The following AJAP1 variants were observed in gnomAD, a reference collection of about 807,000 sequenced individuals.
The protein encoded by AJAP1 is adherens junctions associated protein 1.
Under a neutral mutation model 35.0 loss-of-function variants are expected in AJAP1, and 5 were observed. The ratio of observed to expected loss-of-function variants is 0.14; its 90% CI spans 0.07 to 0.30. AJAP1 has a LOEUF of 0.30. Ranked by LOEUF, AJAP1 falls within the 10% of genes least tolerant of loss-of-function variation. The pLI is 1.00. For missense variants in AJAP1, 586 were observed against 571.0 expected (o/e 1.03, Z -0.27); for synonymous variants, 284 against 249.3 (o/e 1.14, Z -1.31).
At chr1:4,729,468 C>T (rs988312794) in intron 2 of AJAP1, among the ~76,000 whole-genome samples, 1 of 148,508 alleles carries the variant, frequency 6.7e-6, no homozygotes, top group Non-Finnish European at 1.5e-5. Flanking sequence ...GACCTCGAGA[C>T]TCACGGGGTG....
intron 2 of AJAP1, among the ~76,000 whole-genome samples, chr1:4,743,983 GGT>G (rs1395541131): frequency 1.3e-5 from 2 of 152,126 alleles, no homozygotes; most frequent in African/African-American, 4.8e-5. Context: ...GAAGTGATGT[GGT>G]GTTTTTTATC....
At chr1:4,699,705 C>A (rs1295034536) in intron 1 of AJAP1, among the ~76,000 whole-genome samples, 2 of 152,182 alleles carry the variant, frequency 1.3e-5, no homozygotes, top group African/African-American at 4.8e-5. Context: ...CATCTCCCTG[C>A]AGCCGAAAAC....
In AJAP1 at chr1:4,792,210, T is replaced by C. The variant is rs904559197; in HGVS notation, c.*9725T>C. On this transcript the variant is annotated 3_prime_UTR_variant, in exon 6 of 6. Coordinates refer to ENST00000378191, the MANE Select transcript of AJAP1 (RefSeq NM_018836.4). The stretch of plus-strand genomic sequence containing the variant: ...TATATCTATACCACAGCTGTCTCTA[T>C]AGACGTATTTATATATCATCTTCTT... 1 of 152,144 alleles carries C rather than the reference T, an allele frequency of 6.6e-6. No individual in the cohort carries two copies. Among genetic ancestry groups the C allele is most frequent in the Non-Finnish European group, 1.5e-5 (1 of 68,024 alleles). The allele number at this position is 152,144 out of a possible 1,614,324, so 9.4% of individuals were successfully genotyped here.
intron 2 of AJAP1, among the ~76,000 whole-genome samples, chr1:4,744,537 G>A (rs1641143575): frequency 6.6e-6 from 1 of 152,092 alleles, no homozygotes; most frequent in Non-Finnish European, 1.5e-5. Context: ...ACACAGGGAT[G>A]CACCCATGCA....
intron 1 of AJAP1, among the ~76,000 whole-genome samples, chr1:4,697,338 T>G (rs1373402981): frequency 6.6e-6 from 1 of 152,190 alleles, no homozygotes; most frequent in Non-Finnish European, 1.5e-5. Flanking sequence ...GGAGGAGAAA[T>G]CAAAGGAAGC....
chr1:4,727,499 C>T (rs1283901390), intron 2 of AJAP1, among the ~76,000 whole-genome samples: 2 of 152,230 alleles, frequency 1.3e-5, no homozygotes, highest in Non-Finnish European at 2.9e-5. Flanking sequence ...CACTTGGTCA[C>T]TGATGTCCTC....
At chr1:4,674,532 C>T (rs763095113) in intron 1 of AJAP1, among the ~76,000 whole-genome samples, 28 of 152,226 alleles carry the variant, frequency 1.8e-4, no homozygotes, top group Non-Finnish European at 3.1e-4. Flanking sequence ...GCTTTAGGTT[C>T]AGAGGTCAGT....
At position 4,784,107 on chromosome 1, in the gene AJAP1, C is replaced by T. The variant is rs539854134; in HGVS notation, c.*1622C>T. The T allele has an allele frequency of 6.6e-6, 1 of 152,288 alleles. No individual in the cohort carries two copies. Among genetic ancestry groups the T allele is most frequent in the African/African-American group, 2.4e-5 (1 of 41,554 alleles). 9.4% of individuals were successfully genotyped at this position (152,288 alleles called of 1,614,324 possible). A position where few individuals can be genotyped will look rare whatever the true frequency, so the allele number is the denominator to read the frequency against. On this transcript the variant is annotated 3_prime_UTR_variant, in exon 6 of 6. Coordinates refer to ENST00000378191, the MANE Select transcript of AJAP1 (RefSeq NM_018836.4). ...CCTACTATAAACTACCCAGTGGAAA[C>T]AGGGGCCCCAGACCTGAGCCTCAGT... is the stretch of plus-strand genomic sequence containing the variant.
intron 3 of AJAP1, 145 bp from the exon 4 acceptor site, chr1:4,772,135 C>T: frequency 2.0e-6 from 2 of 1,025,252 alleles, no homozygotes; most frequent in South Asian, 1.7e-5. Flanking sequence ...GTTGATCTTT[C>T]TGAAGAGGCT....
Position 4,785,876 on chromosome 1 carries a change from C to A in AJAP1, c.*3391C>A, listed in dbSNP as rs1404095720. On this transcript the variant is annotated 3_prime_UTR_variant, in exon 6 of 6. Coordinates refer to ENST00000378191, the MANE Select transcript of AJAP1 (RefSeq NM_018836.4). ...CTCGGAGATCCCGCAATTGCAAACC[C>A]CCTGGCAGCCTCCTGGCACCTGCAT... The A allele has an allele frequency of 6.6e-6, 1 of 152,232 alleles. No homozygotes were observed. The highest frequency in any genetic ancestry group is 2.4e-5 in the African/African-American group (1 of 41,442). 9.4% of individuals were successfully genotyped at this position (152,232 alleles called of 1,614,324 possible).
At chr1:4,710,220 G>A (rs1557619566) in intron 1 of AJAP1, among the ~76,000 whole-genome samples, 2 of 151,632 alleles carry the variant, frequency 1.3e-5, no homozygotes, top group Admixed American at 1.3e-4. Context: ...TGACACACAC[G>A]AGCATAGATG....
rs1343075127 is a variant in AJAP1, at chr1:4,786,242, G to T, written c.*3757G>T. ...GCCCTCCTTGCACACAGAAGGGAGA[G>T]GCCACTTAGGGGACCTTGTCTTCTC... On this transcript the variant is annotated 3_prime_UTR_variant, in exon 6 of 6. Coordinates refer to ENST00000378191, the MANE Select transcript of AJAP1 (RefSeq NM_018836.4). 6.6e-5 allele frequency: 10 copies of T among 152,154 alleles called. No individual in the cohort carries two copies. The highest frequency in any genetic ancestry group is 2.4e-4 in the African/African-American group (10 of 41,444). The allele number at this position is 152,154 out of a possible 1,614,324, so 9.4% of individuals were successfully genotyped here.
intron 1 of AJAP1, among the ~76,000 whole-genome samples, chr1:4,691,572 C>T (rs558115561): frequency 1.3e-5 from 2 of 152,274 alleles, no homozygotes; most frequent in African/African-American, 4.8e-5. Flanking sequence ...GACCAAAAGC[C>T]CTGGTGCTGG....
chr1:4,738,346 G>A (rs895744363), intron 2 of AJAP1, among the ~76,000 whole-genome samples: 1 of 152,232 alleles, frequency 6.6e-6, no homozygotes, highest in African/African-American at 2.4e-5. Flanking sequence ...ACACAAGATA[G>A]CATAAGAGTC....
intron 1 of AJAP1, among the ~76,000 whole-genome samples, chr1:4,679,763 A>G (rs1031063686): frequency 2.0e-5 from 3 of 151,576 alleles, no homozygotes; most frequent in African/African-American, 7.3e-5. Flanking sequence ...TTATAAAGAC[A>G]TCAGTTGTAT....
intron 1 of AJAP1, among the ~76,000 whole-genome samples, chr1:4,686,226 G>C (rs1209743444): frequency 6.6e-6 from 1 of 152,156 alleles, no homozygotes; most frequent in African/African-American, 2.4e-5. Context: ...TAGATTCCTG[G>C]TGCAGTCATC....
intron 1 of AJAP1, among the ~76,000 whole-genome samples, chr1:4,671,694 C>T (rs1351425052): frequency 2.6e-5 from 4 of 152,312 alleles, no homozygotes; most frequent in Middle Eastern, 3.4e-3. Flanking sequence ...GACCTGTTGA[C>T]GTGGAAACCT....
At position 4,782,438 on chromosome 1, in the gene AJAP1, A is replaced by G. The variant is rs1461701651; in HGVS notation, c.*60-107A>G. Reference sequence around the variant, plus strand: ...GATAAAGGGAGTGATCGGGCTCTGCATGCGGGGGTGCTGCGTGTGGGGGTC... The same window carrying G: ...GATAAAGGGAGTGATCGGGCTCTGCGTGCGGGGGTGCTGCGTGTGGGGGTC... On this transcript the variant is annotated intron_variant, in intron 5 of 5. Coordinates refer to ENST00000378191, the MANE Select transcript of AJAP1 (RefSeq NM_018836.4). The surrounding 1 kb of genome is among the most constrained non-coding windows in gnomAD (Gnocchi z 5.3). The G allele has an allele frequency of 2.3e-5, 6 of 259,112 alleles. No individual in the cohort carries two copies. The highest frequency in any genetic ancestry group is 3.6e-5 in the Non-Finnish European group (5 of 137,734). 16.1% of individuals were successfully genotyped at this position (259,112 alleles called of 1,614,324 possible). A position where few individuals can be genotyped will look rare whatever the true frequency, so the allele number is the denominator to read the frequency against.
At chr1:4,699,267 A>G (rs1639933626) in intron 1 of AJAP1, among the ~76,000 whole-genome samples, 1 of 152,138 alleles carries the variant, frequency 6.6e-6, no homozygotes, top group African/African-American at 2.4e-5. Flanking sequence ...CACCTCCACC[A>G]ATGCCATTCT....
Sources: allele counts gnomAD v4.1 joint callset (sites outside exome capture counted in the v4.1 genomes callset), GRCh38; gene constraint gnomAD v4.1.1; non-coding constraint Gnocchi (gnomAD v3.1); transcripts MANE v1.5; gene names NCBI Gene and HGNC (gene_info 2026-07-23, HGNC 2026-07-21).